PARD3B: variants seen among roughly 807,000 people sequenced by gnomAD.
The protein encoded by PARD3B is partitioning defective 3 homolog B.
Under a neutral mutation model 130.2 loss-of-function variants are expected in PARD3B, and 103 were observed. That is an observed-to-expected ratio of 0.79 (90% CI 0.67 to 0.93). The LOEUF (loss-of-function observed/expected upper bound fraction) is 0.93. Among genes scored for constraint, PARD3B ranks in the 40% least tolerant of loss-of-function variants. The pLI, the probability that PARD3B is intolerant of heterozygous loss-of-function variation, is 0.00. For synonymous variants in PARD3B, 583 were observed against 553.2 expected (o/e 1.05, Z -0.76); for missense variants, 1,609 against 1,499.2 (o/e 1.07, Z -1.21).
intron 4 of PARD3B, among the ~76,000 whole-genome samples, chr2:205,094,450 G>A (rs981413406): frequency 1.3e-5 from 2 of 151,978 alleles, no homozygotes; most frequent in Admixed American, 6.6e-5. Context: ...TTGTCAATGC[G>A]GTTCTCTATC....
At chr2:205,035,566 A>G (rs901753144) in intron 3 of PARD3B, among the ~76,000 whole-genome samples, 2 of 151,718 alleles carry the variant, frequency 1.3e-5, no homozygotes, top group Admixed American at 6.6e-5. Context: ...TACTGGTGCA[A>G]AAACAGCACA....
At chr2:205,221,957 T>G (rs1192632168) in intron 15 of PARD3B, among the ~76,000 whole-genome samples, 1 of 151,654 alleles carries the variant, frequency 6.6e-6, no homozygotes, top group African/African-American at 2.4e-5. Flanking sequence ...TATTGGAGGG[T>G]GGAGGGTAGG....
chr2:204,549,680 G>A (rs2030300668), intron 1 of PARD3B, among the ~76,000 whole-genome samples: 1 of 151,970 alleles, frequency 6.6e-6, no homozygotes, highest in Non-Finnish European at 1.5e-5. Flanking sequence ...TGAACTCATT[G>A]GATTTTAAAC....
chr2:204,649,475 T>G (rs760029293), intron 1 of PARD3B, among the ~76,000 whole-genome samples: 2 of 152,076 alleles, frequency 1.3e-5, no homozygotes, highest in Non-Finnish European at 2.9e-5. Context: ...CTTACATTTT[T>G]ACTCTGTATG....
At chr2:205,043,304 A>C (rs1243629723) in intron 3 of PARD3B, among the ~76,000 whole-genome samples, 1 of 152,092 alleles carries the variant, frequency 6.6e-6, no homozygotes, top group African/African-American at 2.4e-5. Context: ...GCTATTACCT[A>C]CTTTTTTGGG....
intron 10 of PARD3B, among the ~76,000 whole-genome samples, chr2:205,140,816 CA>C (rs1354458431): frequency 1.3e-5 from 2 of 152,070 alleles, no homozygotes; most frequent in Non-Finnish European, 2.9e-5. Flanking sequence ...TATCTCTCAG[CA>C]TTTTTTTGGT....
chr2:205,098,055 T>C (rs1702507470), intron 4 of PARD3B, among the ~76,000 whole-genome samples: 2 of 152,202 alleles, frequency 1.3e-5, no homozygotes, highest in South Asian at 2.1e-4. Flanking sequence ...TGTTTTACTT[T>C]AGCACAGATA....
rs1285148933 is a variant in PARD3B, at chr2:205,568,547, C to T, written c.3260+15144C>T. ...TAGGAAAGCCTCTGGAAAAATTAAA[C>T]TTGGTACTGAGTTGCCTGACTCAAA... is the stretch of plus-strand genomic sequence containing the variant. On this transcript the variant is annotated intron_variant, in intron 22 of 22. Transcript: ENST00000406610. The surrounding 1 kb of genome is among the most constrained non-coding windows in gnomAD (Gnocchi z 5.3). Among the ~76,000 whole-genome samples the T allele has an allele frequency of 1.3e-5, 2 of 152,176 alleles. No homozygotes were observed. Among genetic ancestry groups the T allele is most frequent in the Admixed American group, 1.3e-4 (2 of 15,276 alleles).
chr2:205,428,752 G>A (rs2047229607), intron 19 of PARD3B, among the ~76,000 whole-genome samples: 1 of 152,140 alleles, frequency 6.6e-6, no homozygotes, highest in Non-Finnish European at 1.5e-5. Context: ...ATTCTGTAAT[G>A]TTAAATTTGA....
At chr2:205,013,350 T>TTTA (rs745569170) in intron 3 of PARD3B, among the ~76,000 whole-genome samples, 3 of 152,180 alleles carry the variant, frequency 2.0e-5, no homozygotes, top group Non-Finnish European at 4.4e-5. Context: ...TTTTTAGATG[T>TTTA]TTAAAATTGT....
intron 3 of PARD3B, among the ~76,000 whole-genome samples, chr2:205,030,544 C>G (rs1395426757): frequency 2.6e-5 from 4 of 151,850 alleles, no homozygotes; most frequent in African/African-American, 9.7e-5. Context: ...TTTCTTCTGC[C>G]AATATGTTGA....
intron 15 of PARD3B, among the ~76,000 whole-genome samples, chr2:205,240,827 T>C (rs2039320777): frequency 6.6e-6 from 1 of 152,186 alleles, no homozygotes; most frequent in African/African-American, 2.4e-5. Context: ...GAGAATGCAT[T>C]TGAAGTGTAT....
At chr2:205,164,131 A>G (rs1017100833) in intron 11 of PARD3B, among the ~76,000 whole-genome samples, 3 of 152,228 alleles carry the variant, frequency 2.0e-5, no homozygotes, top group Admixed American at 1.3e-4. Flanking sequence ...TATATATCCA[A>G]TAAGAATTTG....
chr2:205,425,008 C>T (rs890162240), intron 19 of PARD3B, among the ~76,000 whole-genome samples: 4 of 152,186 alleles, frequency 2.6e-5, no homozygotes, highest in African/African-American at 9.7e-5. Context: ...CAACAAGTTA[C>T]AAATTTTATC....
rs1322594341 is a variant in PARD3B at position 205,620,003 on chromosome 2, A to G, written c.*4190A>G. On this transcript the variant is annotated 3_prime_UTR_variant, in exon 23 of 23. Coordinates refer to ENST00000406610, the MANE Select transcript of PARD3B (RefSeq NM_001302769.2). ...TAAGTTCTGAAGATAAATTATGTGA[A>G]ATCATATTTTGGCATATGGGGGTGG... 1 of 152,220 alleles carries G rather than the reference A, an allele frequency of 6.6e-6. No homozygotes were observed. Among genetic ancestry groups the G allele is most frequent in the East Asian group, 1.9e-4 (1 of 5,190 alleles). 9.4% of individuals were successfully genotyped at this position (152,220 alleles called of 1,614,324 possible).
intron 5 of PARD3B, among the ~76,000 whole-genome samples, chr2:205,110,899 C>T (rs533176916): frequency 2.0e-5 from 3 of 152,148 alleles, no homozygotes; most frequent in Admixed American, 6.5e-5. Flanking sequence ...TGAGATATGT[C>T]GTCAAATAAT....
intron 1 of PARD3B, among the ~76,000 whole-genome samples, chr2:204,643,966 A>G (rs1373067103): frequency 1.3e-5 from 2 of 152,198 alleles, no homozygotes; most frequent in Admixed American, 6.5e-5. Flanking sequence ...ATGTCTGTAC[A>G]CTGGTGGATC....
At chr2:205,551,172 G>C (rs1460700532) in intron 21 of PARD3B, among the ~76,000 whole-genome samples, 1 of 151,546 alleles carries the variant, frequency 6.6e-6, no homozygotes, top group East Asian at 1.9e-4. Flanking sequence ...AATATCCAGA[G>C]CTATACTATG....
At chr2:204,753,627 T>A (rs950911148) in intron 2 of PARD3B, among the ~76,000 whole-genome samples, 8 of 152,112 alleles carry the variant, frequency 5.3e-5, no homozygotes, top group African/African-American at 1.7e-4. Context: ...TAAGTTAACA[T>A]CTCTATGCCT....
Sources: gnomAD v4.1 joint callset for allele counts (sites outside exome capture counted in the v4.1 genomes callset) on GRCh38, gnomAD v4.1.1 for gene constraint, Gnocchi (gnomAD v3.1) non-coding constraint, MANE v1.5 for transcripts, NCBI Gene and HGNC (gene_info 2026-07-23, HGNC 2026-07-21) for gene names.